PHACTR1: variants seen among roughly 807,000 people sequenced by gnomAD.
PHACTR1 encodes phosphatase and actin regulator 1, also known as RPEL repeat containing 1.
A neutral mutation model predicts 69.2 loss-of-function variants in PHACTR1; 16 were observed. The ratio of observed to expected loss-of-function variants is 0.23; its 90% CI spans 0.16 to 0.35. The LOEUF (loss-of-function observed/expected upper bound fraction) is 0.35. Among genes scored for constraint, PHACTR1 ranks in the 10% least tolerant of loss-of-function variants. The pLI is 1.00. For missense variants in PHACTR1, 510 were observed against 734.7 expected (o/e 0.69, Z 3.54); for synonymous variants, 312 against 284.5 (o/e 1.10, Z -0.97).
intron 10 of PHACTR1, among the ~76,000 whole-genome samples, chr6:13,266,079 C>G (rs909799316): frequency 6.6e-6 from 1 of 152,108 alleles, no homozygotes; most frequent in South Asian, 2.1e-4. Context: ...TTTTCTTCCA[C>G]TCTTCCTTCA....
At chr6:12,936,501 T>G (rs1427986246) in intron 4 of PHACTR1, among the ~76,000 whole-genome samples, 2 of 152,222 alleles carry the variant, frequency 1.3e-5, no homozygotes, top group Admixed American at 6.5e-5. Flanking sequence ...GTTTGCAGAT[T>G]GCTAAGGAGA....
intron 4 of PHACTR1, among the ~76,000 whole-genome samples, chr6:12,827,141 C>T (rs1321005835): frequency 6.6e-6 from 1 of 152,088 alleles, no homozygotes; most frequent in Non-Finnish European, 1.5e-5. Flanking sequence ...TGCTGGCTAA[C>T]ATTCCCGGAG....
intron 5 of PHACTR1, among the ~76,000 whole-genome samples, chr6:13,146,396 A>T (rs1327690793): frequency 6.6e-6 from 1 of 152,214 alleles, no homozygotes; most frequent in African/African-American, 2.4e-5. Flanking sequence ...CTTTCTTCTA[A>T]CCATAGATAA....
At chr6:12,771,135 G>T (rs1181915305) in intron 4 of PHACTR1, among the ~76,000 whole-genome samples, 3 of 152,172 alleles carry the variant, frequency 2.0e-5, no homozygotes, top group South Asian at 2.1e-4. Context: ...GAAACTAGAG[G>T]CAGGGAGGTA....
chr6:13,004,804 C>T (rs1489044052), intron 4 of PHACTR1, among the ~76,000 whole-genome samples: 1 of 152,144 alleles, frequency 6.6e-6, no homozygotes, highest in Non-Finnish European at 1.5e-5. Context: ...TGGGCTTTGG[C>T]ACATCTGTGC....
intron 4 of PHACTR1, among the ~76,000 whole-genome samples, chr6:12,887,233 G>A (rs10456561): frequency 0.031 from 4,689 of 152,272 alleles, 94 homozygotes; most frequent in Admixed American, 0.052. Flanking sequence ...TCTCCTCGGG[G>A]AATCCTCTGC....
chr6:13,020,150 T>A (rs1800755403), intron 4 of PHACTR1, among the ~76,000 whole-genome samples: 1 of 152,094 alleles, frequency 6.6e-6, no homozygotes, highest in Non-Finnish European at 1.5e-5. Context: ...AAAGTTGCAA[T>A]AGAACCAGGA....
chr6:12,964,804 T>G (rs986636367), intron 4 of PHACTR1, among the ~76,000 whole-genome samples: 1 of 152,182 alleles, frequency 6.6e-6, no homozygotes, highest in Admixed American at 6.5e-5. Context: ...TAGCAGTTAC[T>G]TCTTAGATTA....
intron 4 of PHACTR1, among the ~76,000 whole-genome samples, chr6:12,784,504 A>G (rs763237046): frequency 6.6e-6 from 1 of 151,550 alleles, no homozygotes; most frequent in Non-Finnish European, 1.5e-5. Context: ...ACATATATAC[A>G]TATGTATCTA....
At position 12,821,479 on chromosome 6, in the gene PHACTR1, AAAAAAG is replaced by A. The variant is rs1348523981; in HGVS notation, c.250+71691_250+71696del. On this transcript the variant is annotated intron_variant, in intron 4 of 14. Transcript: ENST00000332995. ...TTTCACATCAAAAAAAAAAAAAAAAAAAAAAGAGAGAGAGAGAGAGAGAGAAGTTAA... is the reference window on the plus strand; with the variant it reads ...TTTCACATCAAAAAAAAAAAAAAAAAAGAGAGAGAGAGAGAGAGAAGTTAA... 6.9e-3 allele frequency among the ~76,000 whole-genome samples: 641 copies of A among 92,232 alleles called. 9 individuals carry two copies. Among genetic ancestry groups the A allele is most frequent in the African/African-American group, 0.024 (602 of 25,372 alleles). 60.5% of individuals were successfully genotyped at this position (92,232 alleles called of 152,430 possible). A position where few individuals can be genotyped will look rare whatever the true frequency, so the allele number is the denominator to read the frequency against.
At chr6:13,072,516 G>A (rs1373336644) in intron 5 of PHACTR1, among the ~76,000 whole-genome samples, 1 of 151,998 alleles carries the variant, frequency 6.6e-6, no homozygotes, top group Non-Finnish European at 1.5e-5. Context: ...CCACATAGTT[G>A]AAATCAAAAT....
intron 8 of PHACTR1, among the ~76,000 whole-genome samples, chr6:13,208,030 A>G (rs1031961277): frequency 2.0e-5 from 3 of 152,154 alleles, no homozygotes; most frequent in Non-Finnish European, 4.4e-5. Context: ...CTGCAAAAGG[A>G]AAAAAACAAA....
At chr6:13,159,895 G>A (rs906074574) in intron 5 of PHACTR1, among the ~76,000 whole-genome samples, 9 of 152,044 alleles carry the variant, frequency 5.9e-5, no homozygotes, top group African/African-American at 1.2e-4. Context: ...AGCTGAGATC[G>A]CGCCACTGTA....
intron 4 of PHACTR1, among the ~76,000 whole-genome samples, chr6:12,768,602 C>T (rs1768974800): frequency 6.6e-6 from 1 of 151,984 alleles, no homozygotes; most frequent in Non-Finnish European, 1.5e-5. Context: ...TTTAGGTTGA[C>T]TCCATATCTC....
At chr6:13,051,824 A>G (rs1009594467) in intron 4 of PHACTR1, among the ~76,000 whole-genome samples, 5 of 152,172 alleles carry the variant, frequency 3.3e-5, no homozygotes, top group Non-Finnish European at 7.3e-5. Context: ...GCTCAAGGCC[A>G]GTTTTCCTGT....
intron 4 of PHACTR1, among the ~76,000 whole-genome samples, chr6:12,886,764 G>GT (rs1185482171): frequency 2.0e-5 from 3 of 151,864 alleles, no homozygotes; most frequent in Non-Finnish European, 4.4e-5. Context: ...GTGCTCTTTC[G>GT]TTTTTTGTGT....
At chr6:13,146,350 T>C (rs939722301) in intron 5 of PHACTR1, among the ~76,000 whole-genome samples, 14 of 152,250 alleles carry the variant, frequency 9.2e-5, no homozygotes, top group African/African-American at 2.9e-4. Context: ...TGCATAGTTA[T>C]GATTTTTTAA....
chr6:13,246,235 T>G lies in PHACTR1; in HGVS notation c.1391+16042T>G, dbSNP rs1430284682. Among the ~76,000 whole-genome samples the G allele has an allele frequency of 6.6e-6, 1 of 152,222 alleles. No homozygotes were observed. Among genetic ancestry groups the G allele is most frequent in the Non-Finnish European group, 1.5e-5 (1 of 68,032 alleles). ...TTTCTCAAAAGAAAAATAAATAATG[T>G]GGAGGTTTTGAATGAAATCTTTAAA... On this transcript the variant is annotated intron_variant, in intron 10 of 14. Coordinates refer to ENST00000332995, the MANE Select transcript of PHACTR1 (RefSeq NM_030948.6). This position sits in a 1 kb window ranked among gnomAD's most constrained non-coding sequence, Gnocchi z 4.2.
intron 4 of PHACTR1, among the ~76,000 whole-genome samples, chr6:12,888,391 T>C (rs1430767426): frequency 4.6e-5 from 7 of 152,204 alleles, no homozygotes. Context: ...TTATATTCTT[T>C]ATAAATTACC....
Sources: gnomAD v4.1 joint callset for allele counts (sites outside exome capture counted in the v4.1 genomes callset) on GRCh38, gnomAD v4.1.1 for gene constraint, Gnocchi (gnomAD v3.1) non-coding constraint, MANE v1.5 for transcripts, NCBI Gene and HGNC (gene_info 2026-07-23, HGNC 2026-07-21) for gene names.